The following DRG2 variants were observed in gnomAD, a reference collection of about 807,000 sequenced individuals.
DRG2 encodes developmentally-regulated GTP-binding protein 2.
Under a neutral mutation model 53.4 loss-of-function variants are expected in DRG2, and 36 were observed. The ratio of observed to expected loss-of-function variants is 0.67; its 90% CI spans 0.52 to 0.89. The LOEUF is 0.89. DRG2 is among the 40% of genes least tolerant of loss of function. The pLI, the probability that DRG2 is intolerant of heterozygous loss-of-function variation, is 0.00. For synonymous variants in DRG2, 167 were observed against 192.1 expected, an observed-to-expected ratio of 0.87 and a Z score of 1.08; for missense variants, 342 against 481.2, an observed-to-expected ratio of 0.71 and a Z score of 2.71.
chr17:18,090,981 A>G (rs373566524), intron 1 of DRG2, among the ~76,000 whole-genome samples: 1 of 152,178 alleles, frequency 6.6e-6, no homozygotes, highest in East Asian at 1.9e-4. Flanking sequence ...TGCAGAACCC[A>G]TTCTTGACCA....
chr17:18,093,711 C>T lies in DRG2; in HGVS notation c.65-102C>T, dbSNP rs1343299772. On this transcript the variant is annotated intron_variant, in intron 1 of 12. Coordinates refer to ENST00000225729, the MANE Select transcript of DRG2 (RefSeq NM_001388.5). ...TTTTTTCTCCTGATCTCCTTGACAG[C>T]AGTTGCTTCCCAGCCAGCACTTGGC... 3 of 1,349,290 alleles carry T rather than the reference C, an allele frequency of 2.2e-6. No homozygotes were observed. In the Admixed American group the frequency reaches 6.9e-5, roughly 31 times the overall value. The allele number at this position is 1,349,290 out of a possible 1,614,324, so 83.6% of individuals were successfully genotyped here. A position where few individuals can be genotyped will look rare whatever the true frequency, so the allele number is the denominator to read the frequency against.
At chr17:18,088,869 G>A (rs1254282016) in intron 1 of DRG2, among the ~76,000 whole-genome samples, 1 of 152,200 alleles carries the variant, frequency 6.6e-6, no homozygotes, top group Non-Finnish European at 1.5e-5. Context: ...TGTTGGAAGG[G>A]TATCCCAGGT....
Position 18,100,172 on chromosome 17 carries a change from G to A in DRG2, c.468-191G>A. On this transcript the variant is annotated intron_variant, in intron 5 of 12. Coordinates refer to ENST00000225729, the MANE Select transcript of DRG2 (RefSeq NM_001388.5). The surrounding 1 kb of genome is among the most constrained non-coding windows in gnomAD (Gnocchi z 4.1). ...ACCGTAAACCGGGCCAGTCCCCTCT[G>A]GGACTGTGGCAGAGTTTAGAAGTTC... 1 of 650,406 alleles carries A rather than the reference G, an allele frequency of 1.5e-6. No homozygotes were observed. Among genetic ancestry groups the A allele is most frequent in the East Asian group, 2.7e-5 (1 of 37,032 alleles). The allele number at this position is 650,406 out of a possible 1,614,324, so 40.3% of individuals were successfully genotyped here.
At chr17:18,107,108 G>A in intron 12 of DRG2, 46 bp from the exon 13 acceptor site, 1 of 1,586,106 alleles carries the variant, frequency 6.3e-7, no homozygotes, top group Non-Finnish European at 8.6e-7. Flanking sequence ...CTTGACCTTG[G>A]CCAGTCCAGG....
intron 11 of DRG2, chr17:18,106,169 C>T: frequency 1.9e-6 from 1 of 517,182 alleles, no homozygotes; most frequent in East Asian, 3.3e-5. Context: ...CTGACCTTCC[C>T]CTGGTGGCTT....
In DRG2 at chr17:18,088,023, C is replaced by G; in HGVS notation, c.-1C>G. 1 of 1,549,326 alleles carries G rather than the reference C, an allele frequency of 6.5e-7. No homozygotes were observed. The highest frequency in any genetic ancestry group is 8.7e-7 in the Non-Finnish European group (1 of 1,146,226). ...TCTGTGCGCCCACCTCTGCTGCTAC[C>G]ATGGGGATCTTAGAGAAGATCTCGG... is the stretch of plus-strand genomic sequence containing the variant. On this transcript the variant is annotated 5_prime_UTR_variant, in exon 1 of 13. Coordinates refer to ENST00000225729, the MANE Select transcript of DRG2 (RefSeq NM_001388.5).
At chr17:18,090,060 A>T (rs1567597655) in intron 1 of DRG2, among the ~76,000 whole-genome samples, 2 of 151,990 alleles carry the variant, frequency 1.3e-5, no homozygotes, top group African/African-American at 4.8e-5. Context: ...AGATGCTGCC[A>T]CTTTGGCAGT....
chr17:18,107,283 G>T lies in DRG2; in HGVS notation c.*43G>T. ...CCCGCCCACCTGCCTCGTCTCCCTGGGGAGGTGGTCCCACTGGGACACACA... is the reference window on the plus strand; with the variant it reads ...CCCGCCCACCTGCCTCGTCTCCCTGTGGAGGTGGTCCCACTGGGACACACA... On this transcript the variant is annotated 3_prime_UTR_variant, in exon 13 of 13. Transcript: ENST00000225729. 1 of 1,591,114 alleles carries T rather than the reference G, an allele frequency of 6.3e-7. No homozygotes were observed.
Position 18,099,485 on chromosome 17 carries a change from C to T in DRG2, c.377-148C>T. On this transcript the variant is annotated intron_variant, in intron 4 of 12. Coordinates refer to ENST00000225729, the MANE Select transcript of DRG2 (RefSeq NM_001388.5). This position sits in a 1 kb window ranked among gnomAD's most constrained non-coding sequence, Gnocchi z 4.4. ...CTGAAATAAGTCTCCGTCAGTAAAA[C>T]ATGTGGATTAAAGAAAAATGCCAAG... 1 of 799,090 alleles carries T rather than the reference C, an allele frequency of 1.3e-6. No individual in the cohort carries two copies. The highest frequency in any genetic ancestry group is 2.1e-6 in the Non-Finnish European group (1 of 473,510). The allele number at this position is 799,090 out of a possible 1,614,324, so 49.5% of individuals were successfully genotyped here. A position where few individuals can be genotyped will look rare whatever the true frequency, so the allele number is the denominator to read the frequency against.
At chr17:18,096,730 A>C (rs1009420970) in intron 2 of DRG2, 5 of 152,226 alleles carry the variant, frequency 3.3e-5, no homozygotes, top group Admixed American at 6.5e-5. Context: ...GGCAAAGTGA[A>C]GTGGGACAGT....
chr17:18,101,484 G>GC lies in DRG2; in HGVS notation c.632-5dup. The GC allele has an allele frequency of 1.2e-6, 2 of 1,613,646 alleles. No homozygotes were observed. The highest frequency in any genetic ancestry group is 2.2e-5 in the South Asian group (2 of 91,032). On this transcript the variant is annotated splice_polypyrimidine_tract_variant and intron_variant, in intron 7 of 12. Transcript: ENST00000225729. Reference sequence around the variant, plus strand: ...GGTGCACAGGTTGCCCTTAATCGGAGCCCCTCAGAGATCTTCAATGCAGAA... The same window carrying GC: ...GGTGCACAGGTTGCCCTTAATCGGAGCCCCCTCAGAGATCTTCAATGCAGAA...
intron 2 of DRG2, chr17:18,097,189 C>A (rs1339314661): frequency 9.2e-5 from 14 of 152,200 alleles, no homozygotes; most frequent in Admixed American, 9.2e-4. Flanking sequence ...CTTGGGGCCA[C>A]CGTGTCTATC....
chr17:18,096,477 T>C (rs1489000916), intron 2 of DRG2: 1 of 152,256 alleles, frequency 6.6e-6, no homozygotes, highest in Non-Finnish European at 1.5e-5. Flanking sequence ...TTTGGAGCTA[T>C]TTTAGTTGGC....
intron 2 of DRG2, chr17:18,095,404 T>G (rs2045416355): frequency 6.8e-6 from 1 of 146,534 alleles, no homozygotes; most frequent in African/African-American, 2.6e-5. Context: ...TTTTTTTTTT[T>G]TTTTTTGGAG....
chr17:18,098,193 A>G lies in DRG2; in HGVS notation c.226-77A>G. On this transcript the variant is annotated intron_variant, in intron 2 of 12. Transcript: ENST00000225729. The surrounding 1 kb of genome is among the most constrained non-coding windows in gnomAD (Gnocchi z 4.1). ...GTCTCCTCCTGCTGCCTGCACCTGCAGGCCCCCAGCCCCTGGGGCCTCTCC... is the reference window on the plus strand; with the variant it reads ...GTCTCCTCCTGCTGCCTGCACCTGCGGGCCCCCAGCCCCTGGGGCCTCTCC... The G allele has an allele frequency of 3.2e-6, 4 of 1,248,864 alleles. No homozygotes were observed. The highest frequency in any genetic ancestry group is 1.8e-5 in the Admixed American group (1 of 55,968). 77.4% of individuals were successfully genotyped at this position (1,248,864 alleles called of 1,614,324 possible).
intron 2 of DRG2, among the ~76,000 whole-genome samples, chr17:18,094,622 C>T (rs2045394841): frequency 6.6e-6 from 1 of 152,102 alleles, no homozygotes; most frequent in African/African-American, 2.4e-5. Context: ...AGGATAGCGG[C>T]ATATGGGCGG....
intron 2 of DRG2, chr17:18,096,574 TC>T (rs1434154289): frequency 6.6e-6 from 1 of 152,296 alleles, no homozygotes; most frequent in East Asian, 1.9e-4. Flanking sequence ...TTTTGTATAT[TC>T]CCTGCCCTGG....
chr17:18,095,213 C>T (rs559163590), intron 2 of DRG2, among the ~76,000 whole-genome samples: 28 of 151,340 alleles, frequency 1.9e-4, no homozygotes, highest in African/African-American at 5.6e-4. Context: ...GGTTTCACCA[C>T]GTTCGCCAGG....
chr17:18,091,037 CTG>C (rs138629619), intron 1 of DRG2, among the ~76,000 whole-genome samples: 1,531 of 152,272 alleles, frequency 0.01, 25 homozygotes, highest in African/African-American at 0.036. Context: ...AAAATATTTC[CTG>C]TGTGCCTGGG....
Sources: gnomAD v4.1 joint callset for allele counts (sites outside exome capture counted in the v4.1 genomes callset) on GRCh38, gnomAD v4.1.1 for gene constraint, Gnocchi (gnomAD v3.1) non-coding constraint, MANE v1.5 for transcripts, NCBI Gene and HGNC (gene_info 2026-07-23, HGNC 2026-07-21) for gene names.